Variants in TSHZ2 observed in about 807,000 individuals in gnomAD.
TSHZ2 encodes teashirt homolog 2.
TSHZ2 carries 21 observed loss-of-function variants against 74.4 expected under a neutral mutation model. That is an observed-to-expected ratio of 0.28 (90% CI 0.20 to 0.41). The LOEUF is 0.41. Ranked by LOEUF, TSHZ2 falls within the 10% of genes least tolerant of loss-of-function variation. TSHZ2 has a pLI of 1.00. For synonymous variants in TSHZ2, 540 were observed against 515.3 expected, an observed-to-expected ratio of 1.05 and a Z score of -0.65; for missense variants, 1,244 against 1,293.5, an observed-to-expected ratio of 0.96 and a Z score of 0.59.
intron 1 of TSHZ2, among the ~76,000 whole-genome samples, chr20:53,104,446 A>G (rs1986306021): frequency 6.6e-6 from 1 of 152,256 alleles, no homozygotes; most frequent in Non-Finnish European, 1.5e-5. Context: ...GAGGTTTAGC[A>G]GGATATTATC....
intron 2 of TSHZ2, among the ~76,000 whole-genome samples, chr20:53,281,109 T>C (rs761005957): frequency 6.6e-6 from 1 of 152,248 alleles, no homozygotes; most frequent in South Asian, 2.1e-4. Context: ...GTTGCTGTCA[T>C]GGAGCAAACA....
At position 53,371,889 on chromosome 20, in the gene TSHZ2, G is replaced by A. The variant is rs78746119; in HGVS notation, c.*9-115255G>A. On this transcript the variant is annotated intron_variant, in intron 2 of 2. Transcript: ENST00000371497. ...GACTCCGTCTCAAAAAAAAAAAAAA[G>A]AAAAAAAAAAGAGTCAGCAGGACAT... 8.4e-3 allele frequency among the ~76,000 whole-genome samples: 1,004 copies of A among 119,108 alleles called. 31 individuals are homozygous for A. Among genetic ancestry groups the A allele is most frequent in the African/African-American group, 0.044 (827 of 18,710 alleles). The allele number at this position is 119,108 out of a possible 152,430, so 78.1% of individuals were successfully genotyped here.
intron 1 of TSHZ2, among the ~76,000 whole-genome samples, chr20:53,160,427 C>T (rs765541214): frequency 2.0e-5 from 3 of 152,120 alleles, no homozygotes; most frequent in Admixed American, 6.5e-5. Flanking sequence ...CAGGCATTTA[C>T]AGTATTGCTG....
chr20:53,435,639 G>T (rs1310257231), intron 2 of TSHZ2, among the ~76,000 whole-genome samples: 1 of 152,120 alleles, frequency 6.6e-6, no homozygotes, highest in Admixed American at 6.5e-5. Context: ...TCAGCCTCCT[G>T]AGTAGCTGGG....
intron 2 of TSHZ2, among the ~76,000 whole-genome samples, chr20:53,284,755 AAG>A (rs1991133606): frequency 6.7e-6 from 1 of 149,616 alleles, no homozygotes; most frequent in Non-Finnish European, 1.5e-5. Context: ...AAGAGAGAGA[AAG>A]AGAGAGGAGA....
At chr20:53,471,213 C>T (rs75589783) in intron 2 of TSHZ2, among the ~76,000 whole-genome samples, 1,751 of 152,202 alleles carry the variant, frequency 0.012, 39 homozygotes, top group African/African-American at 0.04. Context: ...CTAGGTACAT[C>T]TATTTTTTTT....
At chr20:53,107,694 C>T (rs770910162) in intron 1 of TSHZ2, among the ~76,000 whole-genome samples, 9 of 152,210 alleles carry the variant, frequency 5.9e-5, no homozygotes, top group East Asian at 1.9e-4. Context: ...ACGTGGGTGC[C>T]GCACGTATCT....
At chr20:52,996,425 G>T (rs1428148772) in intron 1 of TSHZ2, among the ~76,000 whole-genome samples, 2 of 151,824 alleles carry the variant, frequency 1.3e-5, no homozygotes, top group Non-Finnish European at 2.9e-5. Flanking sequence ...TGTATGTCAG[G>T]AATGAAAGAT....
intron 2 of TSHZ2, among the ~76,000 whole-genome samples, chr20:53,374,424 C>T: frequency 6.6e-6 from 1 of 152,124 alleles, no homozygotes; most frequent in East Asian, 1.9e-4. Context: ...CATGTCTTTA[C>T]CATTGTGAAT....
At chr20:53,225,359 T>G (rs987549791) in intron 1 of TSHZ2, among the ~76,000 whole-genome samples, 1 of 152,228 alleles carries the variant, frequency 6.6e-6, no homozygotes, top group Non-Finnish European at 1.5e-5. Context: ...GAGCCCATCA[T>G]GGGTCCCCTG....
chr20:52,986,219 G>A (rs1472255050), intron 1 of TSHZ2, among the ~76,000 whole-genome samples: 6 of 150,702 alleles, frequency 4.0e-5, no homozygotes, highest in Non-Finnish European at 7.4e-5. Flanking sequence ...GCGAAACCCC[G>A]TCTCTACTAA....
chr20:53,261,510 A>G (rs1990600433), intron 2 of TSHZ2, among the ~76,000 whole-genome samples: 1 of 152,208 alleles, frequency 6.6e-6, no homozygotes, highest in Admixed American at 6.5e-5. Flanking sequence ...AACAGGGTCA[A>G]GTACAATAAT....
At position 52,989,764 on chromosome 20, in the gene TSHZ2, C is replaced by T. The variant is rs138679726; in HGVS notation, c.40+16431C>T. ...GTATCTTCCATTATTTATAGTTTTA[C>T]ATGCATGTATATGTTGTTAGAAGCA... On this transcript the variant is annotated intron_variant, in intron 1 of 2. Coordinates refer to ENST00000371497, the MANE Select transcript of TSHZ2 (RefSeq NM_173485.6). 2.0e-5 allele frequency among the ~76,000 whole-genome samples: 3 copies of T among 152,070 alleles called. No homozygotes were observed. The East Asian group carries it at 5.8e-4, about 29-fold the overall frequency.
intron 1 of TSHZ2, among the ~76,000 whole-genome samples, chr20:53,024,633 T>C (rs6097194): frequency 0.81 from 122,551 of 151,856 alleles, 49,906 homozygotes; most frequent in East Asian, 0.93. Flanking sequence ...TCTCCTAATG[T>C]TATCCCTCTC....
At chr20:53,472,349 G>A (rs1004902352) in intron 2 of TSHZ2, among the ~76,000 whole-genome samples, 1 of 152,144 alleles carries the variant, frequency 6.6e-6, no homozygotes, top group Non-Finnish European at 1.5e-5. Context: ...GTGAGCCATT[G>A]GATGCGAGGG....
intron 1 of TSHZ2, among the ~76,000 whole-genome samples, chr20:52,975,248 ACT>A (rs1050500647): frequency 2.7e-4 from 41 of 150,592 alleles, no homozygotes; most frequent in African/African-American, 8.1e-4. Context: ...CCTGAAAATT[ACT>A]CTTTTTTTTT....
chr20:53,133,969 G>GAAAA lies in TSHZ2; in HGVS notation c.41-119518_41-119515dup, dbSNP rs3070080. On this transcript the variant is annotated intron_variant, in intron 1 of 2. Transcript: ENST00000371497. Reference sequence around the variant, plus strand: ...TGATAGATTTTTTACCATTTTTTCTGAAAAAAAAAAAAAAATAGGCCACGT... The same window carrying GAAAA: ...TGATAGATTTTTTACCATTTTTTCTGAAAAAAAAAAAAAAAAAAATAGGCCACGT... Among the ~76,000 whole-genome samples, 77 of 127,918 alleles carry GAAAA rather than the reference G, an allele frequency of 6.0e-4. 2 individuals carry two copies. The highest frequency in any genetic ancestry group is 4.2e-3 in the Middle Eastern group (1 of 236). 83.9% of individuals were successfully genotyped at this position (127,918 alleles called of 152,430 possible).
intron 1 of TSHZ2, among the ~76,000 whole-genome samples, chr20:53,068,662 A>C (rs1443754263): frequency 6.6e-6 from 1 of 152,204 alleles, no homozygotes; most frequent in Non-Finnish European, 1.5e-5. Flanking sequence ...GTCTCTGGCC[A>C]GAGTAGGTGC....
At chr20:53,157,154 C>T (rs553941443) in intron 1 of TSHZ2, among the ~76,000 whole-genome samples, 3 of 152,298 alleles carry the variant, frequency 2.0e-5, no homozygotes, top group Non-Finnish European at 4.4e-5. Flanking sequence ...TAGAATCTTA[C>T]CCTCTATGAG....
Sources: gnomAD v4.1 joint callset for allele counts (sites outside exome capture counted in the v4.1 genomes callset) on GRCh38, gnomAD v4.1.1 for gene constraint, MANE v1.5 for transcripts, NCBI Gene and HGNC (gene_info 2026-07-23, HGNC 2026-07-21) for gene names.